DAB1: variants seen among roughly 807,000 people sequenced by gnomAD.
The protein encoded by DAB1 is disabled homolog 1.
Under a neutral mutation model 64.6 loss-of-function variants are expected in DAB1, and 15 were observed. The ratio of observed to expected loss-of-function variants is 0.23; its 90% CI spans 0.16 to 0.36. The LOEUF (loss-of-function observed/expected upper bound fraction) is 0.36. Among genes scored for constraint, DAB1 ranks in the 10% least tolerant of loss-of-function variants. The probability of loss-of-function intolerance (pLI) is 1.00; values close to 1 mark genes in which losing one functional copy is unlikely to be tolerated. For missense variants in DAB1, 596 were observed against 706.7 expected, an observed-to-expected ratio of 0.84 and a Z score of 1.78; for synonymous variants, 235 against 251.9, an observed-to-expected ratio of 0.93 and a Z score of 0.64.
chr1:57,912,328 C>T (rs113625263), intron 5 of DAB1, among the ~76,000 whole-genome samples: 3 of 150,358 alleles, frequency 2.0e-5, no homozygotes, highest in African/African-American at 7.3e-5. Flanking sequence ...TGTCTTGCCA[C>T]TGATCTTTCC....
chr1:58,292,320 A>G (rs1402743346), intron 4 of DAB1, among the ~76,000 whole-genome samples: 1 of 152,212 alleles, frequency 6.6e-6, no homozygotes, highest in African/African-American at 2.4e-5. Flanking sequence ...TGCACAGAGA[A>G]AATCAGAAAG....
chr1:57,523,931 A>G (rs1644561348), intron 7 of DAB1, among the ~76,000 whole-genome samples: 2 of 152,168 alleles, frequency 1.3e-5, no homozygotes, highest in Admixed American at 1.3e-4. Context: ...TCTCAAAAAA[A>G]AAGAAAAAGA....
intron 2 of DAB1, among the ~76,000 whole-genome samples, chr1:57,226,672 A>AAAATATATATATATAT (rs747021990): frequency 2.5e-4 from 34 of 135,994 alleles, no homozygotes; most frequent in African/African-American, 1.0e-3. Context: ...TTAAAAAAAA[A>AAAATATATATATATAT]ATATATATAT....
At chr1:57,596,689 TACA>T (rs1322865289) in intron 7 of DAB1, among the ~76,000 whole-genome samples, 1 of 152,120 alleles carries the variant, frequency 6.6e-6, no homozygotes, top group Non-Finnish European at 1.5e-5. Context: ...GAAGAAAGGA[TACA>T]ACAATATTAT....
chr1:58,379,040 G>A (rs977385858), intron 3 of DAB1, among the ~76,000 whole-genome samples: 156 of 149,334 alleles, frequency 1.0e-3, no homozygotes, highest in African/African-American at 3.6e-3. Flanking sequence ...GCTTCGGCTC[G>A]CGCATGGTGC....
At chr1:58,245,432 G>C (rs1399050435) in intron 4 of DAB1, among the ~76,000 whole-genome samples, 3 of 152,138 alleles carry the variant, frequency 2.0e-5, no homozygotes, top group African/African-American at 7.2e-5. Context: ...AAAGGACAAG[G>C]ACACCTAATT....
intron 1 of DAB1, among the ~76,000 whole-genome samples, chr1:57,342,225 C>T (rs10889035): frequency 0.54 from 81,777 of 151,962 alleles, 22,772 homozygotes; most frequent in Non-Finnish European, 0.58. Flanking sequence ...CCTGGCTGAT[C>T]CCTATGTATC....
At chr1:57,465,451 T>C (rs1305602434) in intron 7 of DAB1, among the ~76,000 whole-genome samples, 1 of 152,200 alleles carries the variant, frequency 6.6e-6, no homozygotes, top group Admixed American at 6.5e-5. Context: ...AATGAATGAA[T>C]GACATGAATG....
chr1:57,059,805 G>A (rs1650196053), intron 9 of DAB1, among the ~76,000 whole-genome samples: 1 of 152,140 alleles, frequency 6.6e-6, no homozygotes, highest in African/African-American at 2.4e-5. Context: ...TCATAGGTAG[G>A]AAGAGGAGCT....
intron 3 of DAB1, among the ~76,000 whole-genome samples, chr1:58,381,979 A>G (rs1264301439): frequency 3.3e-5 from 5 of 151,784 alleles, no homozygotes; most frequent in African/African-American, 1.2e-4. Flanking sequence ...ACACCATGAA[A>G]GAAGAAACAG....
chr1:57,630,248 T>A (rs1469499987), intron 7 of DAB1, among the ~76,000 whole-genome samples: 1 of 152,180 alleles, frequency 6.6e-6, no homozygotes, highest in African/African-American at 2.4e-5. Context: ...TTCACAGACC[T>A]AAAGAATCAC....
At chr1:57,434,899 T>G (rs995447427) in intron 7 of DAB1, among the ~76,000 whole-genome samples, 3 of 152,166 alleles carry the variant, frequency 2.0e-5, no homozygotes, top group African/African-American at 7.2e-5. Context: ...GACTGGAAAT[T>G]GCTTGGATGA....
At chr1:57,470,879 A>G (rs1255158840) in intron 7 of DAB1, among the ~76,000 whole-genome samples, 1 of 152,232 alleles carries the variant, frequency 6.6e-6, no homozygotes, top group Admixed American at 6.5e-5. Context: ...GGCAAATTGT[A>G]GCTCACAGGA....
At chr1:57,961,779 A>T (rs1419778439) in intron 5 of DAB1, among the ~76,000 whole-genome samples, 2 of 151,678 alleles carry the variant, frequency 1.3e-5, no homozygotes, top group African/African-American at 2.4e-5. Flanking sequence ...GACCAGCCTG[A>T]CCAACATGGA....
intron 7 of DAB1, among the ~76,000 whole-genome samples, chr1:57,544,160 G>A (rs1444488895): frequency 6.6e-6 from 1 of 152,094 alleles, no homozygotes; most frequent in Admixed American, 6.6e-5. Flanking sequence ...AGAACTGGAA[G>A]GATCCAACCA....
chr1:57,100,087 C>G (rs1010969180), intron 4 of DAB1, among the ~76,000 whole-genome samples: 1 of 152,166 alleles, frequency 6.6e-6, no homozygotes, highest in Non-Finnish European at 1.5e-5. Flanking sequence ...GCCAGATGAC[C>G]TGGGTTCAAA....
At chr1:57,606,197 T>TTTTTTTTTTGAG (rs1553199400) in intron 7 of DAB1, 5 of 248,544 alleles carry the variant, frequency 2.0e-5, no homozygotes, top group Non-Finnish European at 1.6e-5. Flanking sequence ...CCGGTATTTT[T>TTTTTTTTTTGAG]AAAAGTCATG....
chr1:57,150,828 T>A (rs1569603050), intron 2 of DAB1, among the ~76,000 whole-genome samples: 2 of 152,236 alleles, frequency 1.3e-5, no homozygotes, highest in South Asian at 4.1e-4. Flanking sequence ...CAATCCTAAT[T>A]ATCTTCTGGA....
intron 1 of DAB1, among the ~76,000 whole-genome samples, chr1:57,412,175 G>A (rs528194602): frequency 6.6e-6 from 1 of 152,300 alleles, no homozygotes; most frequent in African/African-American, 2.4e-5. Flanking sequence ...AATAAATGCT[G>A]TATGTTTTCT....
Sources: allele counts gnomAD v4.1 joint callset (sites outside exome capture counted in the v4.1 genomes callset), GRCh38; gene constraint gnomAD v4.1.1; transcripts MANE v1.5; gene names NCBI Gene and HGNC (gene_info 2026-07-23, HGNC 2026-07-21).